The following NR2E3 variants were observed in gnomAD, a reference collection of about 807,000 sequenced individuals.
NR2E3 encodes photoreceptor-specific nuclear receptor.
A neutral mutation model predicts 37.6 loss-of-function variants in NR2E3; 38 were observed. The ratio of observed to expected loss-of-function variants is 1.01; its 90% CI spans 0.78 to 1.33. The LOEUF is 1.33. Ranked by LOEUF, NR2E3 falls within the 40% of genes most tolerant of loss-of-function variation. The probability of loss-of-function intolerance (pLI) is 0.00; values close to 1 mark genes in which losing one functional copy is unlikely to be tolerated. For synonymous variants in NR2E3, 235 were observed against 225.1 expected (o/e 1.04, Z -0.39); for missense variants, 562 against 558.7 (o/e 1.01, Z -0.06).
chr15:71,816,087 C>T (rs528740809), intron 7 of NR2E3, among the ~76,000 whole-genome samples: 6 of 151,984 alleles, frequency 3.9e-5, no homozygotes, highest in African/African-American at 1.2e-4. Flanking sequence ...AAGTCTTCCC[C>T]GAAATTCACG....
chr15:71,816,409 C>T (rs1455561711), intron 7 of NR2E3, among the ~76,000 whole-genome samples: 4 of 151,904 alleles, frequency 2.6e-5, no homozygotes, highest in South Asian at 2.1e-4. Flanking sequence ...TACAGGCGCC[C>T]ACCACCACGC....
At chr15:71,815,089 G>C (rs576134342) in intron 7 of NR2E3, among the ~76,000 whole-genome samples, 1 of 152,356 alleles carries the variant, frequency 6.6e-6, no homozygotes, top group African/African-American at 2.4e-5. Context: ...TGCAGGCTGA[G>C]TGTGGCTGCG....
Position 71,811,380 on chromosome 15 carries a change from C to A in NR2E3, c.119-103C>A. On this transcript the variant is annotated intron_variant, in intron 1 of 7. Coordinates refer to ENST00000617575, the MANE Select transcript of NR2E3 (RefSeq NM_014249.4). This position sits in a 1 kb window ranked among gnomAD's most constrained non-coding sequence, Gnocchi z 5.6. ...GTGGGTTCGTTCAAATGCGGGTGAGCGGGGCCTGAGGACTGGGAAAGGGAC... is the reference window on the plus strand; with the variant it reads ...GTGGGTTCGTTCAAATGCGGGTGAGAGGGGCCTGAGGACTGGGAAAGGGAC... 1 of 1,093,074 alleles carries A rather than the reference C, an allele frequency of 9.1e-7. No individual in the cohort carries two copies. Among genetic ancestry groups the A allele is most frequent in the Non-Finnish European group, 1.3e-6 (1 of 762,200 alleles). The allele number at this position is 1,093,074 out of a possible 1,614,324, so 67.7% of individuals were successfully genotyped here. A position where few individuals can be genotyped will look rare whatever the true frequency, so the allele number is the denominator to read the frequency against.
rs941127033 is a variant in NR2E3, at chr15:71,813,276, G to A, written c.748-113G>A. 3.0e-5 allele frequency: 43 copies of A among 1,430,272 alleles called. No homozygotes were observed. The highest frequency in any genetic ancestry group is 5.0e-5 in the East Asian group (2 of 40,172). The allele number at this position is 1,430,272 out of a possible 1,614,324, so 88.6% of individuals were successfully genotyped here. Reference sequence around the variant, plus strand: ...TGGCTGATGTCAGGAGAGCATTCTCGGGTCCCAGGACAGCACTTCCATTCC... The same window carrying A: ...TGGCTGATGTCAGGAGAGCATTCTCAGGTCCCAGGACAGCACTTCCATTCC... On this transcript the variant is annotated intron_variant, in intron 5 of 7. Coordinates refer to ENST00000617575, the MANE Select transcript of NR2E3 (RefSeq NM_014249.4). The surrounding 1 kb of genome is among the most constrained non-coding windows in gnomAD (Gnocchi z 4.7).
At chr15:71,815,502 G>C (rs541827252) in intron 7 of NR2E3, among the ~76,000 whole-genome samples, 55 of 152,316 alleles carry the variant, frequency 3.6e-4, no homozygotes, top group Non-Finnish European at 7.6e-4. Context: ...TCTCTGCCAA[G>C]TTTCTGTTGG....
chr15:71,811,888 C>CG lies in NR2E3; in HGVS notation c.349+25dup, dbSNP rs1567159923. 7 of 1,550,212 alleles carry CG rather than the reference C, an allele frequency of 4.5e-6. No homozygotes were observed. The East Asian group carries it at 7.3e-5, about 16-fold the overall frequency. The stretch of plus-strand genomic sequence containing the variant: ...CAGGACGGTGAGGCGGGGGCTGGCC[C>CG]GGGGGGAGGTGACAAGAAATGGGCA... On this transcript the variant is annotated intron_variant, in intron 3 of 7. Transcript: ENST00000617575. This position sits in a 1 kb window ranked among gnomAD's most constrained non-coding sequence, Gnocchi z 5.6.
rs1372522601 is a variant in NR2E3 at position 71,813,559 on chromosome 15, T to C, written c.918T>C (p.Thr306=). 1 of 1,613,920 alleles carries C rather than the reference T, an allele frequency of 6.2e-7. No homozygotes were observed. Among genetic ancestry groups the C allele is most frequent in the South Asian group, 1.1e-5 (1 of 91,072 alleles). The change falls in exon 6 of 8, where the codon ACT becomes ACC. Residue 306 remains threonine (T), a synonymous_variant. Coordinates refer to ENST00000617575, the MANE Select transcript of NR2E3 (RefSeq NM_014249.4). The surrounding 1 kb of genome is among the most constrained non-coding windows in gnomAD (Gnocchi z 4.7). ...TGGAGACGCGTGTCCTGCAGGAAAC[T>C]ATCTCTCGGTTCCGGGCATTGGCGG... is the stretch of plus-strand genomic sequence containing the variant. ...ASMETRVLQE[T]ISRFRALAVD... is the part of the protein sequence containing the mutation.
At position 71,817,777 on chromosome 15, in the gene NR2E3, G is replaced by C; in HGVS notation, c.*93G>C. 8.0e-6 allele frequency: 10 copies of C among 1,255,198 alleles called. No homozygotes were observed. The highest frequency in any genetic ancestry group is 9.0e-6 in the Non-Finnish European group (8 of 891,994). The allele number at this position is 1,255,198 out of a possible 1,614,324, so 77.8% of individuals were successfully genotyped here. Reference sequence around the variant, plus strand: ...CTCTTTGCCCCAGCAATTCCTCGTAGGTGTGTGTACCCAGCAGAAATGCCC... The same window carrying C: ...CTCTTTGCCCCAGCAATTCCTCGTACGTGTGTGTACCCAGCAGAAATGCCC... On this transcript the variant is annotated 3_prime_UTR_variant, in exon 8 of 8. Coordinates refer to ENST00000617575, the MANE Select transcript of NR2E3 (RefSeq NM_014249.4).
At chr15:71,812,256 C>A in intron 4 of NR2E3, 80 bp downstream of exon 4, 1 of 1,609,460 alleles carries the variant, frequency 6.2e-7, no homozygotes, top group Non-Finnish European at 8.5e-7. Context: ...TGCCTTGATC[C>A]TCCCTCCCCC....
chr15:71,810,599 C>A lies in NR2E3; in HGVS notation c.-145C>A. 1 of 1,293,846 alleles carries A rather than the reference C, an allele frequency of 7.7e-7. No homozygotes were observed. 80.1% of individuals were successfully genotyped at this position (1,293,846 alleles called of 1,614,324 possible). A position where few individuals can be genotyped will look rare whatever the true frequency, so the allele number is the denominator to read the frequency against. ...GCCTGTGCTGTGAGGGGCTTCGGGA[C>A]CTTGGGGCAGCTCCTGAGTTCAGAC... On this transcript the variant is annotated 5_prime_UTR_variant, in exon 1 of 8. Coordinates refer to ENST00000617575, the MANE Select transcript of NR2E3 (RefSeq NM_014249.4).
At chr15:71,812,230 C>T (rs577792562) in intron 4 of NR2E3, 54 bp downstream of exon 4, 23 of 1,606,122 alleles carry the variant, frequency 1.4e-5, no homozygotes, top group Non-Finnish European at 2.0e-5. Context: ...CGGGTCACAG[C>T]AGGGCTGCAG....
At chr15:71,814,343 CT>C in intron 7 of NR2E3, 1 of 1,326,824 alleles carries the variant, frequency 7.5e-7, no homozygotes, top group South Asian at 2.3e-5. Flanking sequence ...CGGCAGTGAC[CT>C]CACTGAAGAC....
intron 7 of NR2E3, among the ~76,000 whole-genome samples, chr15:71,817,197 C>T (rs2054233732): frequency 6.6e-6 from 1 of 150,514 alleles, no homozygotes; most frequent in South Asian, 2.1e-4. Context: ...CTCCCGGGTT[C>T]ATGCCATTCT....
intron 7 of NR2E3, 35 bp from the exon 8 acceptor site, chr15:71,817,517 G>A (rs1181733594): frequency 1.3e-6 from 2 of 1,565,428 alleles, no homozygotes; most frequent in South Asian, 1.2e-5. Context: ...TCAGAAGCTG[G>A]TCGTAAAACT....
Position 71,818,013 on chromosome 15 carries a change from GCA to G in NR2E3, c.*330_*331del, listed in dbSNP as rs2054241005. 2.1e-5 allele frequency: 4 copies of G among 187,260 alleles called. No homozygotes were observed. In the Admixed American group the frequency reaches 2.2e-4, roughly 10 times the overall value. The allele number at this position is 187,260 out of a possible 1,614,324, so 11.6% of individuals were successfully genotyped here. The stretch of plus-strand genomic sequence containing the variant: ...GAAGCCAGGCCGAAGTTCCATTTAT[GCA>G]GAGTTCAGGAACAGGCAAGACTAAT... On this transcript the variant is annotated 3_prime_UTR_variant, in exon 8 of 8. Coordinates refer to ENST00000617575, the MANE Select transcript of NR2E3 (RefSeq NM_014249.4).
At chr15:71,815,926 C>T (rs1008545925) in intron 7 of NR2E3, among the ~76,000 whole-genome samples, 4 of 152,152 alleles carry the variant, frequency 2.6e-5, no homozygotes, top group African/African-American at 7.2e-5. Context: ...TTTCTTCTTC[C>T]TCCCACTCTA....
At chr15:71,816,785 G>A (rs530453063) in intron 7 of NR2E3, among the ~76,000 whole-genome samples, 149 of 151,988 alleles carry the variant, frequency 9.8e-4, no homozygotes, top group African/African-American at 3.5e-3. Flanking sequence ...ATATACAGGT[G>A]CTCCTTGACT....
rs572065120 is a variant in NR2E3 at position 71,814,189 on chromosome 15, C to A, written c.1100+72C>A. ...CCTTTCTCTGCCTCTCCCACACTCT[C>A]CCAGAGCTCACTGATTAGACAGCAC... On this transcript the variant is annotated intron_variant, in intron 7 of 7. Coordinates refer to ENST00000617575, the MANE Select transcript of NR2E3 (RefSeq NM_014249.4). The A allele has an allele frequency of 4.6e-6, 7 of 1,533,270 alleles. No individual in the cohort carries two copies. In the African/African-American group the frequency reaches 9.5e-5, roughly 21 times the overall value. 95.0% of individuals were successfully genotyped at this position (1,533,270 alleles called of 1,614,324 possible).
Position 71,814,125 on chromosome 15 carries a change from G to A in NR2E3, c.1100+8G>A, listed in dbSNP as rs1252480747. On this transcript the variant is annotated splice_region_variant and intron_variant, in intron 7 of 7. Transcript: ENST00000617575. ...CCCCAGCCAGCCCGTGAGGTGACCT[G>A]AGCATGCGCCCACCCACTCATCTGT... 5 of 1,607,610 alleles carry A rather than the reference G, an allele frequency of 3.1e-6. No homozygotes were observed. The highest frequency in any genetic ancestry group is 4.2e-6 in the Non-Finnish European group (5 of 1,179,300).
Sources: allele counts gnomAD v4.1 joint callset (sites outside exome capture counted in the v4.1 genomes callset), GRCh38; gene constraint gnomAD v4.1.1; non-coding constraint Gnocchi (gnomAD v3.1); transcripts MANE v1.5; gene names NCBI Gene and HGNC (gene_info 2026-07-23, HGNC 2026-07-21).